Variants in PRDM5 observed in about 807,000 individuals in gnomAD.
PRDM5 encodes PR domain zinc finger protein 5.
PRDM5 carries 56 observed loss-of-function variants against 81.2 expected under a neutral mutation model. The ratio of observed to expected loss-of-function variants is 0.69; its 90% CI spans 0.56 to 0.86. The LOEUF is 0.86. Among genes scored for constraint, PRDM5 ranks in the 40% least tolerant of loss-of-function variants. The pLI, the probability that PRDM5 is intolerant of heterozygous loss-of-function variation, is 0.00. For synonymous variants in PRDM5, 267 were observed against 256.4 expected, an observed-to-expected ratio of 1.04 and a Z score of -0.39; for missense variants, 697 against 770.1, an observed-to-expected ratio of 0.91 and a Z score of 1.12.
rs1258923943 is a variant in PRDM5, at chr4:120,747,384, T to C, written c.1623+7169A>G. 6.6e-5 allele frequency among the ~76,000 whole-genome samples: 10 copies of C among 151,912 alleles called. No individual in the cohort carries two copies. In the East Asian group the frequency reaches 7.7e-4, roughly 12 times the overall value. ...CACCAGCATGGCACATGTATACATA[T>C]GTAACTAACTTGCACAATGTGCACA... On this transcript the variant is annotated intron_variant, in intron 14 of 15. Coordinates refer to ENST00000264808, the MANE Select transcript of PRDM5 (RefSeq NM_018699.4).
intron 1 of PRDM5, among the ~76,000 whole-genome samples, chr4:120,907,776 C>T (rs961469507): frequency 6.6e-5 from 10 of 152,202 alleles, no homozygotes; most frequent in East Asian, 3.9e-4. Flanking sequence ...ATAGGAGCAA[C>T]ATAAAAGGGT....
At chr4:120,897,177 T>C (rs1764728729) in intron 2 of PRDM5, 1 of 152,144 alleles carries the variant, frequency 6.6e-6, no homozygotes, top group Non-Finnish European at 1.5e-5. Context: ...TAGAAGTGAC[T>C]CAAAGAATCA....
At chr4:120,748,643 A>T (rs1283855418) in intron 14 of PRDM5, among the ~76,000 whole-genome samples, 1 of 117,292 alleles carries the variant, frequency 8.5e-6, no homozygotes, top group Admixed American at 7.9e-5. Flanking sequence ...CCTCTCTCTC[A>T]AAAAAAAAAA....
At chr4:120,798,575 C>T in intron 9 of PRDM5, 151 bp from the exon 10 acceptor site, 1 of 635,392 alleles carries the variant, frequency 1.6e-6, no homozygotes. Context: ...ATAATAGACA[C>T]ATAAATGTGT....
At chr4:120,789,015 C>T (rs1214638410) in intron 10 of PRDM5, among the ~76,000 whole-genome samples, 1 of 152,162 alleles carries the variant, frequency 6.6e-6, no homozygotes, top group Non-Finnish European at 1.5e-5. Context: ...GTCCTTCAAT[C>T]TTTCACCTCT....
At chr4:120,904,207 A>AAAAAAAAAAAAAAAAAC (rs1561676162) in intron 2 of PRDM5, among the ~76,000 whole-genome samples, 1 of 141,302 alleles carries the variant, frequency 7.1e-6, no homozygotes, top group African/African-American at 2.8e-5. Context: ...AAAAAAAAAC[A>AAAAAAAAAAAAAAAAAC]AAAAAACCTC....
downstream of PRDM5, among the ~76,000 whole-genome samples, chr4:120,690,103 C>T (rs936660823): frequency 2.6e-5 from 4 of 152,146 alleles, no homozygotes. Context: ...AACCAGTTTT[C>T]ATCCATTAAA....
intron 14 of PRDM5, among the ~76,000 whole-genome samples, chr4:120,719,530 C>A (rs890343700): frequency 2.6e-5 from 4 of 152,278 alleles, no homozygotes; most frequent in African/African-American, 9.6e-5. Flanking sequence ...ATGAAAATAT[C>A]TTTGATCTTA....
intron 14 of PRDM5, among the ~76,000 whole-genome samples, chr4:120,711,567 C>T (rs1186127310): frequency 6.6e-6 from 1 of 151,858 alleles, no homozygotes; most frequent in African/African-American, 2.4e-5. Flanking sequence ...GCTTTGGCCT[C>T]CCAAAGTGCT....
At chr4:120,874,986 C>G (rs1267555553) in intron 2 of PRDM5, among the ~76,000 whole-genome samples, 2 of 152,180 alleles carry the variant, frequency 1.3e-5, no homozygotes, top group Non-Finnish European at 2.9e-5. Context: ...AATCACCTGG[C>G]CTGGCTCTCA....
chr4:120,862,203 G>T (rs1760685490), intron 2 of PRDM5, among the ~76,000 whole-genome samples: 1 of 152,150 alleles, frequency 6.6e-6, no homozygotes, highest in Non-Finnish European at 1.5e-5. Flanking sequence ...TCCTTTGTCA[G>T]TAAACATTTA....
chr4:120,709,605 GCCATAT>G (rs1736662744), intron 15 of PRDM5, among the ~76,000 whole-genome samples: 1 of 152,112 alleles, frequency 6.6e-6, no homozygotes, highest in Non-Finnish European at 1.5e-5. Context: ...TCTGCACTGT[GCCATAT>G]CACACAGCAC....
At chr4:120,850,727 C>T (rs1415272840) in intron 3 of PRDM5, among the ~76,000 whole-genome samples, 3 of 152,118 alleles carry the variant, frequency 2.0e-5, no homozygotes, top group African/African-American at 7.2e-5. Context: ...AATCCCCCCT[C>T]ACTCCTCTTG....
intron 14 of PRDM5, among the ~76,000 whole-genome samples, chr4:120,737,170 G>T (rs377177918): frequency 6.6e-6 from 1 of 152,242 alleles, no homozygotes; most frequent in South Asian, 2.1e-4. Flanking sequence ...TCCTTCTGTG[G>T]CAAGTATACC....
At chr4:120,856,613 G>C (rs2148481214) in intron 2 of PRDM5, among the ~76,000 whole-genome samples, 1 of 152,188 alleles carries the variant, frequency 6.6e-6, no homozygotes, top group African/African-American at 2.4e-5. Context: ...ATCTGAAAGA[G>C]ACATCCAAAA....
intron 14 of PRDM5, among the ~76,000 whole-genome samples, chr4:120,746,917 T>A (rs1409931811): frequency 0.028 from 4,178 of 146,662 alleles, 101 homozygotes; most frequent in African/African-American, 0.071. Flanking sequence ...CATTTGACCC[T>A]GCCATCCCAT....
At chr4:120,739,610 T>C (rs1741613999) in intron 14 of PRDM5, among the ~76,000 whole-genome samples, 1 of 152,116 alleles carries the variant, frequency 6.6e-6, no homozygotes, top group African/African-American at 2.4e-5. Context: ...GACTTTTGTC[T>C]ATTTTCCTAT....
chr4:120,875,445 T>C (rs957727412), intron 2 of PRDM5, among the ~76,000 whole-genome samples: 1 of 152,216 alleles, frequency 6.6e-6, no homozygotes. Flanking sequence ...CAGATGGTCA[T>C]GGCACTTGAA....
intron 14 of PRDM5, among the ~76,000 whole-genome samples, chr4:120,711,374 C>T (rs148236300): frequency 6.6e-4 from 101 of 152,272 alleles, no homozygotes; most frequent in Non-Finnish European, 6.6e-4. Flanking sequence ...CCTTGGCTCA[C>T]TGCAACCTCT....
Sources: gnomAD v4.1 joint callset for allele counts (sites outside exome capture counted in the v4.1 genomes callset) on GRCh38, gnomAD v4.1.1 for gene constraint, MANE v1.5 for transcripts, NCBI Gene and HGNC (gene_info 2026-07-23, HGNC 2026-07-21) for gene names.